The following PCSK2 variants were observed in gnomAD, a reference collection of about 807,000 sequenced individuals.
PCSK2 encodes the protein neuroendocrine convertase 2.
Under a neutral mutation model 69.7 loss-of-function variants are expected in PCSK2, and 14 were observed. The ratio of observed to expected loss-of-function variants is 0.20; its 90% confidence interval spans 0.13 to 0.31. The LOEUF (loss-of-function observed/expected upper bound fraction) is 0.31, where lower values mean the gene tolerates loss of function less well. PCSK2 is among the 10% of genes least tolerant of loss of function. The probability of loss-of-function intolerance (pLI) is 1.00; values close to 1 mark genes in which losing one functional copy is unlikely to be tolerated. For synonymous variants in PCSK2, 307 were observed against 320.7 expected, an observed-to-expected ratio of 0.96 and a Z score of 0.46; for missense variants, 544 against 842.5, an observed-to-expected ratio of 0.65 and a Z score of 4.39.
chr20:17,235,683 T>C (rs931407511), intron 1 of PCSK2, among the ~76,000 whole-genome samples: 2 of 152,192 alleles, frequency 1.3e-5, no homozygotes, highest in African/African-American at 4.8e-5. Flanking sequence ...ACACAGTGTC[T>C]GGCAAAACTA....
In PCSK2 at chr20:17,358,334, T is replaced by A. The variant is rs1249372987; in HGVS notation, c.290T>A (p.Met97Lys). ...TCAGCATTGTCATTCCAGGTAAAGA[T>A]GGCTTTGCAGCAGGAAGGATTTGAC... ...QQLERDPRVK[M>K]ALQQEGFDRK... Residue 97 changes from methionine to lysine, a missense_variant, in exon 3 of 12, where the codon ATG (methionine) becomes AAG (lysine). Met to Lys is a moderately conservative substitution (Grantham distance 95, BLOSUM62 -1). Around this residue, in one of 3 missense-constraint regions of PCSK2, gnomAD observed 157 missense variants for 155.0 expected, o/e 1.01. Coordinates refer to ENST00000262545, the MANE Select transcript of PCSK2 (RefSeq NM_002594.5). 1.3e-6 allele frequency: 2 copies of A among 1,591,264 alleles called. No individual in the cohort carries two copies. The highest frequency in any genetic ancestry group is 4.5e-5 in the East Asian group (2 of 44,722).
chr20:17,279,808 T>G (rs1003390982), intron 2 of PCSK2, among the ~76,000 whole-genome samples: 1 of 148,930 alleles, frequency 6.7e-6, no homozygotes, highest in Non-Finnish European at 1.5e-5. Flanking sequence ...AAAAAAAAAG[T>G]GTGTGGCCCA....
intron 1 of PCSK2, among the ~76,000 whole-genome samples, chr20:17,257,313 C>G (rs1568572265): frequency 6.6e-6 from 1 of 152,192 alleles, no homozygotes; most frequent in Non-Finnish European, 1.5e-5. Flanking sequence ...AATGCTTTTA[C>G]ACTGTTGGTG....
chr20:17,227,545 G>T, intron 1 of PCSK2, 63 bp downstream of exon 1: 6 of 1,315,762 alleles, frequency 4.6e-6, no homozygotes, highest in Non-Finnish European at 6.5e-6. Context: ...GCAGCCCTGC[G>T]CAATCTCATT....
chr20:17,281,433 A>G (rs1301014512), intron 2 of PCSK2, among the ~76,000 whole-genome samples: 1 of 152,182 alleles, frequency 6.6e-6, no homozygotes, highest in Non-Finnish European at 1.5e-5. Context: ...TGTGGGTGCT[A>G]TATACAACTA....
chr20:17,405,587 CTG>C (rs1246023440), intron 5 of PCSK2, among the ~76,000 whole-genome samples: 3 of 152,342 alleles, frequency 2.0e-5, no homozygotes. Context: ...CCAGAGGAAT[CTG>C]TGAATATAAT....
chr20:17,474,743 C>T (rs2033263214), intron 11 of PCSK2, among the ~76,000 whole-genome samples: 1 of 152,142 alleles, frequency 6.6e-6, no homozygotes, highest in South Asian at 2.1e-4. Flanking sequence ...AAATTCCAGG[C>T]TCCTCTGCCA....
intron 5 of PCSK2, among the ~76,000 whole-genome samples, chr20:17,371,316 G>T (rs192112868): frequency 1.7e-3 from 262 of 152,264 alleles, no homozygotes; most frequent in African/African-American, 5.9e-3. Context: ...TTCATTGGGG[G>T]CAAGAATCCT....
chr20:17,310,308 C>T (rs755944080), intron 2 of PCSK2, among the ~76,000 whole-genome samples: 21 of 152,076 alleles, frequency 1.4e-4, no homozygotes, highest in Non-Finnish European at 2.4e-4. Flanking sequence ...GACCCTTTCC[C>T]CCAGGCTCTG....
At chr20:17,423,036 T>C (rs6136088) in intron 6 of PCSK2, among the ~76,000 whole-genome samples, 75,145 of 151,984 alleles carry the variant, frequency 0.49, 19,686 homozygotes, top group South Asian at 0.69. Context: ...AACATCTTTA[T>C]GATCATGACA....
chr20:17,372,878 T>C (rs1279729113), intron 5 of PCSK2, among the ~76,000 whole-genome samples: 1 of 152,190 alleles, frequency 6.6e-6, no homozygotes, highest in African/African-American at 2.4e-5. Flanking sequence ...CTAATCTTCT[T>C]TATTTTTAAT....
intron 4 of PCSK2, among the ~76,000 whole-genome samples, chr20:17,367,663 T>G (rs1057219834): frequency 1.3e-5 from 2 of 152,170 alleles, no homozygotes; most frequent in African/African-American, 2.4e-5. Flanking sequence ...TAGTGTGCAG[T>G]GATGTCCTTA....
At chr20:17,290,977 C>T (rs144236862) in intron 2 of PCSK2, among the ~76,000 whole-genome samples, 1 of 152,244 alleles carries the variant, frequency 6.6e-6, no homozygotes, top group East Asian at 1.9e-4. Flanking sequence ...TTTATCTATT[C>T]ATGAAGGCTC....
At chr20:17,404,886 G>C (rs957041131) in intron 5 of PCSK2, among the ~76,000 whole-genome samples, 4 of 152,214 alleles carry the variant, frequency 2.6e-5, no homozygotes, top group African/African-American at 9.6e-5. Context: ...TCTGCTGTTA[G>C]AGTGCAAAAG....
intron 1 of PCSK2, among the ~76,000 whole-genome samples, chr20:17,228,752 G>C (rs1986029212): frequency 6.6e-6 from 1 of 152,202 alleles, no homozygotes; most frequent in Non-Finnish European, 1.5e-5. Flanking sequence ...CAGGTGTGGG[G>C]GCCTCTCCCT....
At chr20:17,429,143 G>A (rs563243716) in intron 6 of PCSK2, among the ~76,000 whole-genome samples, 1 of 151,078 alleles carries the variant, frequency 6.6e-6, no homozygotes. Context: ...TGAAAACACA[G>A]CCTTCTCAGT....
chr20:17,446,254 C>T (rs748247954), intron 8 of PCSK2, among the ~76,000 whole-genome samples: 6 of 152,166 alleles, frequency 3.9e-5, no homozygotes, highest in Admixed American at 2.6e-4. Flanking sequence ...CAACCACAGG[C>T]GCCATCAAAC....
At chr20:17,355,842 G>C (rs753386290) in intron 2 of PCSK2, among the ~76,000 whole-genome samples, 5 of 152,168 alleles carry the variant, frequency 3.3e-5, no homozygotes, top group Admixed American at 6.5e-5. Context: ...ATTTCTGGGA[G>C]ACACAGGGCT....
At chr20:17,257,597 G>C (rs1009758069) in intron 1 of PCSK2, among the ~76,000 whole-genome samples, 2 of 152,192 alleles carry the variant, frequency 1.3e-5, no homozygotes, top group Non-Finnish European at 2.9e-5. Context: ...ACAGGGCAGA[G>C]GTTTTCTTAA....
Sources: allele counts gnomAD v4.1 joint callset (sites outside exome capture counted in the v4.1 genomes callset), GRCh38; gene constraint gnomAD v4.1.1; regional missense constraint gnomAD v4.1.1; transcripts MANE v1.5; gene names NCBI Gene and HGNC (gene_info 2026-07-23, HGNC 2026-07-21).